The following GPR61 variants were observed in gnomAD, a reference collection of about 807,000 sequenced individuals.
The protein encoded by GPR61 is G-protein coupled receptor 61.
GPR61 carries 15 observed loss-of-function variants against 29.2 expected under a neutral mutation model. That is an observed-to-expected ratio of 0.51 (90% confidence interval 0.34 to 0.79). The LOEUF (loss-of-function observed/expected upper bound fraction) is 0.79. Among genes scored for constraint, GPR61 ranks in the 30% least tolerant of loss-of-function variants. GPR61 has a pLI of 0.01. For missense variants in GPR61, 399 were observed against 582.5 expected (o/e 0.69, Z 3.24); for synonymous variants, 238 against 242.3 (o/e 0.98, Z 0.17).
rs774637961 is a variant in GPR61 at position 109,543,630 on chromosome 1, C to A, written c.608C>A (p.Ala203Asp). ...PGCSLQWSHS[A>D]YCQLFVVVFA... is the part of the protein sequence containing the mutation. ...TGTTCACTCCAGTGGAGCCACAGTGCCTACTGCCAGCTTTTTGTGGTGGTC... is the reference window on the plus strand; with the variant it reads ...TGTTCACTCCAGTGGAGCCACAGTGACTACTGCCAGCTTTTTGTGGTGGTC... The change falls in exon 2 of 2, where the codon GCC (alanine) becomes GAC (aspartate). Residue 203 changes from alanine to aspartate, a missense_variant. Physicochemically the swap from Ala to Asp is moderately radical, Grantham distance 126. Transcript: ENST00000527748. This position sits in a 1 kb window ranked among gnomAD's most constrained non-coding sequence, Gnocchi z 6.8. 1.7e-5 allele frequency: 28 copies of A among 1,613,992 alleles called. No individual in the cohort carries two copies. Among genetic ancestry groups the A allele is most frequent in the Non-Finnish European group, 2.3e-5 (27 of 1,180,026 alleles).
chr1:109,542,460 G>C lies in GPR61; in HGVS notation c.-563G>C. The C allele has an allele frequency of 3.3e-6, 1 of 306,456 alleles. No individual in the cohort carries two copies. The highest frequency in any genetic ancestry group is 6.7e-6 in the Non-Finnish European group (1 of 149,130). The allele number at this position is 306,456 out of a possible 1,614,324, so 19.0% of individuals were successfully genotyped here. On this transcript the variant is annotated 5_prime_UTR_variant, in exon 2 of 2. Transcript: ENST00000527748. ...GAAACTGAAATTCAGAAGATTCACA[G>C]AGTTAGTAATGCCCAGAACTGGGAC...
In GPR61 at chr1:109,543,817, G is replaced by A. The variant is rs780534291; in HGVS notation, c.795G>A (p.Met265Ile). Reference sequence around the variant, plus strand: ...AATCTCTCAGCAGCCGCTCCACGATGGTCACCAGCTCGGGGGCCCCCCAGA... The same window carrying A: ...AATCTCTCAGCAGCCGCTCCACGATAGTCACCAGCTCGGGGGCCCCCCAGA... The part of the protein sequence containing the change: ...RSESLSSRST[M>I]VTSSGAPQTT... Residue 265 changes from methionine (M) to isoleucine (I), a missense_variant, in exon 2 of 2, where the codon ATG (methionine) becomes ATA (isoleucine). Physicochemically the swap from Met to Ile is conservative, Grantham distance 10. Around this residue, in one of 3 missense-constraint regions of GPR61, gnomAD observed 320 missense variants for 459.8 expected, o/e 0.70. Coordinates refer to ENST00000527748, the MANE Select transcript of GPR61 (RefSeq NM_001393907.1). The surrounding 1 kb of genome is among the most constrained non-coding windows in gnomAD (Gnocchi z 6.8). The A allele has an allele frequency of 8.1e-6, 13 of 1,613,384 alleles. No individual in the cohort carries two copies. The highest frequency in any genetic ancestry group is 2.2e-5 in the East Asian group (1 of 44,874).
In GPR61 at chr1:109,542,660, G is replaced by T; in HGVS notation, c.-363G>T. ...AATCCCCGGCTAACAGTTCTGGAAAGGGTAGAAGGGTATGGAGAACAAGAA... is the reference window on the plus strand; with the variant it reads ...AATCCCCGGCTAACAGTTCTGGAAATGGTAGAAGGGTATGGAGAACAAGAA... On this transcript the variant is annotated 5_prime_UTR_variant, in exon 2 of 2. The change creates a new upstream start codon in the 5' untranslated region. Coordinates refer to ENST00000527748, the MANE Select transcript of GPR61 (RefSeq NM_001393907.1). 1 of 488,698 alleles carries T rather than the reference G, an allele frequency of 2.0e-6. No individual in the cohort carries two copies. The allele number at this position is 488,698 out of a possible 1,614,324, so 30.3% of individuals were successfully genotyped here.
At position 109,542,753 on chromosome 1, in the gene GPR61, G is replaced by A. The variant is rs958259130; in HGVS notation, c.-270G>A. ...GAAAGCGGAGTGTTGAGTGGGTCAG[G>A]CTCCTGCACCTCTCACGTCTCCTGC... On this transcript the variant is annotated 5_prime_UTR_variant, in exon 2 of 2. Transcript: ENST00000527748. 2 of 658,606 alleles carry A rather than the reference G, an allele frequency of 3.0e-6. No individual in the cohort carries two copies. Among genetic ancestry groups the A allele is most frequent in the South Asian group, 1.5e-5 (1 of 66,388 alleles). The allele number at this position is 658,606 out of a possible 1,614,324, so 40.8% of individuals were successfully genotyped here.
In GPR61 at chr1:109,543,455, G is replaced by C; in HGVS notation, c.433G>C (p.Val145Leu). The C allele has an allele frequency of 6.2e-7, 1 of 1,613,480 alleles. No individual in the cohort carries two copies. The highest frequency in any genetic ancestry group is 8.5e-7 in the Non-Finnish European group (1 of 1,179,970). The change falls in exon 2 of 2, where the codon GTC becomes CTC. Residue 145 changes from valine to leucine, a missense_variant. Around this residue, in one of 3 missense-constraint regions of GPR61, gnomAD observed 320 missense variants for 459.8 expected, o/e 0.70. Transcript: ENST00000527748. The surrounding 1 kb of genome is among the most constrained non-coding windows in gnomAD (Gnocchi z 6.8). Reference sequence around the variant, plus strand: ...CAATGTGGAGCGCTACTATTACGTAGTCCACCCCATGCGCTACGAGGTGCG... The same window carrying C: ...CAATGTGGAGCGCTACTATTACGTACTCCACCCCATGCGCTACGAGGTGCG... ...AINVERYYYV[V>L]HPMRYEVRMT...
intron 1 of GPR61, among the ~76,000 whole-genome samples, chr1:109,540,656 G>A (rs1392414780): frequency 6.6e-6 from 1 of 152,160 alleles, no homozygotes; most frequent in African/African-American, 2.4e-5. Context: ...ATATGACCTG[G>A]GAGAGGAGTG....
In GPR61 at chr1:109,543,389, G is replaced by T. The variant is rs757182741; in HGVS notation, c.367G>T (p.Val123Leu). ...VACRLYLFLS[V>L]CFVSLAILSV... ...CTGCCGCCTCTACTTGTTTCTGAGC[G>T]TGTGCTTTGTCAGCCTGGCCATCCT... The change falls in exon 2 of 2, where the codon GTG (valine) becomes TTG (leucine). Residue 123 changes from valine (V) to leucine (L), a missense_variant. Transcript: ENST00000527748. The surrounding 1 kb of genome is among the most constrained non-coding windows in gnomAD (Gnocchi z 6.8). The T allele has an allele frequency of 5.6e-6, 9 of 1,610,792 alleles. No individual in the cohort carries two copies. The highest frequency in any genetic ancestry group is 2.2e-5 in the East Asian group (1 of 44,728).
At position 109,544,626 on chromosome 1, in the gene GPR61, A is replaced by T; in HGVS notation, c.*248A>T. On this transcript the variant is annotated 3_prime_UTR_variant, in exon 2 of 2. Coordinates refer to ENST00000527748, the MANE Select transcript of GPR61 (RefSeq NM_001393907.1). This position sits in a 1 kb window ranked among gnomAD's most constrained non-coding sequence, Gnocchi z 4.6. ...GGTATGGTGAGACGGTGACGAGAGA[A>T]AAGGGTCACAAAGGTGAGGTGAAAC... The T allele has an allele frequency of 4.1e-6, 2 of 488,356 alleles. No homozygotes were observed. Among genetic ancestry groups the T allele is most frequent in the Non-Finnish European group, 7.5e-6 (2 of 267,022 alleles). The allele number at this position is 488,356 out of a possible 1,614,324, so 30.3% of individuals were successfully genotyped here. A position where few individuals can be genotyped will look rare whatever the true frequency, so the allele number is the denominator to read the frequency against.
In GPR61 at chr1:109,544,537, G is replaced by A. The variant is rs1172318256; in HGVS notation, c.*159G>A. On this transcript the variant is annotated 3_prime_UTR_variant, in exon 2 of 2. Coordinates refer to ENST00000527748, the MANE Select transcript of GPR61 (RefSeq NM_001393907.1). The surrounding 1 kb of genome is among the most constrained non-coding windows in gnomAD (Gnocchi z 4.6). ...TCCTGGGTCAGGAACAGAGCCAACA[G>A]GATGAACGTGTGCAAAAGCCTTGGA... 1 of 616,646 alleles carries A rather than the reference G, an allele frequency of 1.6e-6. No individual in the cohort carries two copies. Among genetic ancestry groups the A allele is most frequent in the African/African-American group, 1.9e-5 (1 of 54,002 alleles). The allele number at this position is 616,646 out of a possible 1,614,324, so 38.2% of individuals were successfully genotyped here.
In GPR61 at chr1:109,544,522, G is replaced by A; in HGVS notation, c.*144G>A. 1 of 644,914 alleles carries A rather than the reference G, an allele frequency of 1.6e-6. No individual in the cohort carries two copies. The highest frequency in any genetic ancestry group is 2.9e-5 in the Admixed American group (1 of 34,206). 39.9% of individuals were successfully genotyped at this position (644,914 alleles called of 1,614,324 possible). The stretch of plus-strand genomic sequence containing the variant: ...CTTTTGCTTAGTGTTTCCTGGGTCA[G>A]GAACAGAGCCAACAGGATGAACGTG... On this transcript the variant is annotated 3_prime_UTR_variant, in exon 2 of 2. Transcript: ENST00000527748. This position sits in a 1 kb window ranked among gnomAD's most constrained non-coding sequence, Gnocchi z 4.6.
chr1:109,543,131 C>T lies in GPR61; in HGVS notation c.109C>T (p.Arg37Trp), dbSNP rs777705427. 1.4e-5 allele frequency: 23 copies of T among 1,596,896 alleles called. No homozygotes were observed. The highest frequency in any genetic ancestry group is 1.7e-4 in the Middle Eastern group (1 of 5,976). Residue 37 changes from arginine to tryptophan, a missense_variant, in exon 2 of 2, where the codon CGG becomes TGG. Around this residue, in one of 3 missense-constraint regions of GPR61, gnomAD observed 78 missense variants for 101.0 expected, o/e 0.77. Transcript: ENST00000527748. This position sits in a 1 kb window ranked among gnomAD's most constrained non-coding sequence, Gnocchi z 6.8. ...CAGTGGGGTCCCGGAGGTGGGGCTA[C>T]GGGATGTTGCTTCGGAATCTGTGGC... ...TASGVPEVGL[R>W]DVASESVALF...
At position 109,545,372 on chromosome 1, in the gene GPR61, G is replaced by A. The variant is rs1265029107; in HGVS notation, c.*994G>A. 1 of 152,104 alleles carries A rather than the reference G, an allele frequency of 6.6e-6. No individual in the cohort carries two copies. Among genetic ancestry groups the A allele is most frequent in the Non-Finnish European group, 1.5e-5 (1 of 68,020 alleles). The allele number at this position is 152,104 out of a possible 1,614,324, so 9.4% of individuals were successfully genotyped here. ...CCCACCTCCAGTCCCCTGGACAATCGGGTACAAGAGACTTAAGGTTGGGCA... is the reference window on the plus strand; with the variant it reads ...CCCACCTCCAGTCCCCTGGACAATCAGGTACAAGAGACTTAAGGTTGGGCA... On this transcript the variant is annotated 3_prime_UTR_variant, in exon 2 of 2. Transcript: ENST00000527748.
chr1:109,546,465 T>C lies in GPR61; in HGVS notation c.*2087T>C, dbSNP rs1048706334. The stretch of plus-strand genomic sequence containing the variant: ...CCAGCAGGTGGCAGTGTGAGCCCAA[T>C]GGAAGGAGGAAAGGCGAGTGTACGT... On this transcript the variant is annotated 3_prime_UTR_variant, in exon 2 of 2. Coordinates refer to ENST00000527748, the MANE Select transcript of GPR61 (RefSeq NM_001393907.1). 2.0e-5 allele frequency: 3 copies of C among 152,152 alleles called. No individual in the cohort carries two copies. The highest frequency in any genetic ancestry group is 2.9e-5 in the Non-Finnish European group (2 of 68,038). 9.4% of individuals were successfully genotyped at this position (152,152 alleles called of 1,614,324 possible).
chr1:109,540,130 ATC>A (rs1647590073), intron 1 of GPR61, 177 bp downstream of exon 1: 1 of 152,208 alleles, frequency 6.6e-6, no homozygotes, highest in Non-Finnish European at 1.5e-5. Context: ...GGGTGTGGGC[ATC>A]TCTGAAGCCC....
chr1:109,543,338 G>A lies in GPR61; in HGVS notation c.316G>A (p.Asp106Asn). Reference sequence around the variant, plus strand: ...CATGCTCTCCAGCTCTGCCCTCTTTGACCACGCCCTCTTTGGGGAGGTGGC... The same window carrying A: ...CATGCTCTCCAGCTCTGCCCTCTTTAACCACGCCCTCTTTGGGGAGGTGGC... ...LAMLSSSALF[D>N]HALFGEVACR... Residue 106 changes from aspartate (D) to asparagine (N), a missense_variant, in exon 2 of 2, where the codon GAC becomes AAC. Asp to Asn is a conservative substitution (Grantham distance 23, BLOSUM62 1). Around this residue, in one of 3 missense-constraint regions of GPR61, gnomAD observed 320 missense variants for 459.8 expected, o/e 0.70. Transcript: ENST00000527748. The surrounding 1 kb of genome is among the most constrained non-coding windows in gnomAD (Gnocchi z 6.8). The A allele has an allele frequency of 6.2e-7, 1 of 1,613,322 alleles. No individual in the cohort carries two copies. Among genetic ancestry groups the A allele is most frequent in the Non-Finnish European group, 8.5e-7 (1 of 1,179,954 alleles).
In GPR61 at chr1:109,543,266, C is replaced by G. The variant is rs1418570699; in HGVS notation, c.244C>G (p.Leu82Val). ...CCGAAAATTTGTCTTCGTCTTCCAC[C>G]TCTGCCTGGTGGACCTGCTGGCTGC... ...ALRKFVFVFH[L>V]CLVDLLAALT... The change falls in exon 2 of 2, where the codon CTC (leucine) becomes GTC (valine). Residue 82 changes from leucine (L) to valine (V), a missense_variant. Leu to Val is a conservative substitution (Grantham distance 32, BLOSUM62 1). Transcript: ENST00000527748. The surrounding 1 kb of genome is among the most constrained non-coding windows in gnomAD (Gnocchi z 6.8). 6.2e-7 allele frequency: 1 copy of G among 1,614,090 alleles called. No homozygotes were observed. The highest frequency in any genetic ancestry group is 1.3e-5 in the African/African-American group (1 of 74,928).
chr1:109,543,846 C>T lies in GPR61; in HGVS notation c.824C>T (p.Thr275Ile), dbSNP rs1647718605. Residue 275 changes from threonine (T) to isoleucine (I), a missense_variant, in exon 2 of 2, where the codon ACC (threonine) becomes ATC (isoleucine). By Grantham distance (89) the Thr-to-Ile change is moderately conservative (BLOSUM62 -1). Coordinates refer to ENST00000527748, the MANE Select transcript of GPR61 (RefSeq NM_001393907.1). The surrounding 1 kb of genome is among the most constrained non-coding windows in gnomAD (Gnocchi z 6.8). ...ACCAGCTCGGGGGCCCCCCAGACCA[C>T]CCCACACCGGACGTTTGGGGGAGGG... Reference protein sequence around the residue: ...MVTSSGAPQTTPHRTFGGGKA... With the variant: ...MVTSSGAPQTIPHRTFGGGKA... The T allele has an allele frequency of 1.2e-6, 2 of 1,613,296 alleles. No individual in the cohort carries two copies. The highest frequency in any genetic ancestry group is 2.2e-5 in the South Asian group (2 of 91,088).
At position 109,543,231 on chromosome 1, in the gene GPR61, C is replaced by T. The variant is rs1315166781; in HGVS notation, c.209C>T (p.Thr70Met). 4 of 1,614,084 alleles carry T rather than the reference C, an allele frequency of 2.5e-6. No individual in the cohort carries two copies. Among genetic ancestry groups the T allele is most frequent in the Non-Finnish European group, 3.4e-6 (4 of 1,180,048 alleles). ...NAAVMAVIAK[T>M]PALRKFVFVF... ...GCTGTGATGGCCGTGATCGCCAAGA[C>T]GCCTGCCCTCCGAAAATTTGTCTTC... is the stretch of plus-strand genomic sequence containing the variant. The change falls in exon 2 of 2, where the codon ACG (threonine) becomes ATG (methionine). Residue 70 changes from threonine (T) to methionine (M), a missense_variant. Thr to Met is a moderately conservative substitution (Grantham distance 81). This residue lies in a region of GPR61 where 78 missense variants were observed against 101.0 expected (regional missense o/e 0.77). Transcript: ENST00000527748. This position sits in a 1 kb window ranked among gnomAD's most constrained non-coding sequence, Gnocchi z 6.8.
Position 109,543,412 on chromosome 1 carries a change from C to G in GPR61, c.390C>G (p.Ile130Met). 1 of 1,611,988 alleles carries G rather than the reference C, an allele frequency of 6.2e-7. No homozygotes were observed. Among genetic ancestry groups the G allele is most frequent in the Non-Finnish European group, 8.5e-7 (1 of 1,179,972 alleles). The change falls in exon 2 of 2, where the codon ATC becomes ATG. Residue 130 changes from isoleucine (I) to methionine (M), a missense_variant. Ile to Met is a conservative substitution (Grantham distance 10). Coordinates refer to ENST00000527748, the MANE Select transcript of GPR61 (RefSeq NM_001393907.1). The surrounding 1 kb of genome is among the most constrained non-coding windows in gnomAD (Gnocchi z 6.8). Reference protein sequence around the residue: ...FLSVCFVSLAILSVSAINVER... With the variant: ...FLSVCFVSLAMLSVSAINVER... Reference sequence around the variant, plus strand: ...GCGTGTGCTTTGTCAGCCTGGCCATCCTCTCGGTGTCAGCCATCAATGTGG... The same window carrying G: ...GCGTGTGCTTTGTCAGCCTGGCCATGCTCTCGGTGTCAGCCATCAATGTGG...
Sources: gnomAD v4.1 joint callset for allele counts (sites outside exome capture counted in the v4.1 genomes callset) on GRCh38, gnomAD v4.1.1 for gene constraint, gnomAD v4.1.1 regional missense constraint, Gnocchi (gnomAD v3.1) non-coding constraint, MANE v1.5 for transcripts, NCBI Gene and HGNC (gene_info 2026-07-23, HGNC 2026-07-21) for gene names.